The following EZH2 variants were observed in gnomAD, a reference collection of about 807,000 sequenced individuals.
The protein encoded by EZH2 is enhancer of zeste 2 polycomb repressive complex 2 subunit.
In EZH2, 18 loss-of-function variants were observed where a neutral mutation model predicts 98.4. That is an observed-to-expected ratio of 0.18 (90% CI 0.13 to 0.27). The LOEUF is 0.27. EZH2 is among the 10% of genes least tolerant of loss of function. The probability of loss-of-function intolerance (pLI) is 1.00; values close to 1 mark genes in which losing one functional copy is unlikely to be tolerated. For missense variants in EZH2, 470 were observed against 935.1 expected, an observed-to-expected ratio of 0.50 and a Z score of 6.49; for synonymous variants, 338 against 312.3, an observed-to-expected ratio of 1.08 and a Z score of -0.87.
intron 1 of EZH2, among the ~76,000 whole-genome samples, chr7:148,853,851 C>T (rs540336287): frequency 6.6e-5 from 10 of 152,262 alleles, no homozygotes; most frequent in African/African-American, 2.2e-4. Context: ...GGAAGATGGG[C>T]TCTCATAGCC....
chr7:148,846,949 G>A (rs576052685), intron 2 of EZH2, among the ~76,000 whole-genome samples: 38 of 151,204 alleles, frequency 2.5e-4, no homozygotes, highest in African/African-American at 8.0e-4. Context: ...TTTATATTTA[G>A]GGAGGCATTT....
Position 148,846,601 on chromosome 7 carries a change from TAA to T in EZH2, c.118-5_118-4del, listed in dbSNP as rs3214332. ...TGACGATTGGAACTAAACATACTCT[TAA>T]AAAAAAAAATGAAGGAGAGGAAAGG... On this transcript the variant is annotated splice_region_variant and splice_polypyrimidine_tract_variant and intron_variant, in intron 2 of 19. Transcript: ENST00000320356. 1.2e-3 allele frequency: 1,737 copies of T among 1,444,184 alleles called. No individual in the cohort carries two copies. Among genetic ancestry groups the T allele is most frequent in the Admixed American group, 2.7e-3 (140 of 52,696 alleles). 89.5% of individuals were successfully genotyped at this position (1,444,184 alleles called of 1,614,324 possible). A position where few individuals can be genotyped will look rare whatever the true frequency, so the allele number is the denominator to read the frequency against.
chr7:148,874,050 G>T (rs868783640), intron 1 of EZH2, among the ~76,000 whole-genome samples: 5 of 152,126 alleles, frequency 3.3e-5, no homozygotes, highest in African/African-American at 1.2e-4. Context: ...CTGTAGACTA[G>T]TAAGAAAATC....
At chr7:148,839,484 G>GA (rs1811856413) in intron 3 of EZH2, among the ~76,000 whole-genome samples, 1 of 141,058 alleles carries the variant, frequency 7.1e-6, no homozygotes, top group Admixed American at 7.0e-5. Flanking sequence ...AAAATTAAAA[G>GA]AAAAAACTGT....
chr7:148,872,907 G>T (rs1004343425), intron 1 of EZH2, among the ~76,000 whole-genome samples: 4 of 151,948 alleles, frequency 2.6e-5, no homozygotes, highest in African/African-American at 9.7e-5. Flanking sequence ...TATAAATGCA[G>T]CTGAGGGATA....
chr7:148,823,123 T>C (rs961975615), intron 8 of EZH2, among the ~76,000 whole-genome samples: 2 of 152,226 alleles, frequency 1.3e-5, no homozygotes, highest in Admixed American at 6.5e-5. Context: ...TTTTCACTTA[T>C]AAAATCAATT....
intron 2 of EZH2, among the ~76,000 whole-genome samples, chr7:148,846,840 G>C (rs73745402): frequency 5.0e-3 from 15 of 2,996 alleles, no homozygotes; most frequent in African/African-American, 0.021. Flanking sequence ...TTTGTTGACT[G>C]TGTGTGTGTG....
At chr7:148,834,626 T>C (rs1810395903) in intron 3 of EZH2, among the ~76,000 whole-genome samples, 2 of 152,110 alleles carry the variant, frequency 1.3e-5, no homozygotes, top group Admixed American at 6.5e-5. Context: ...GATTCATCTA[T>C]TAATTTGCTT....
intron 16 of EZH2, 104 bp downstream of exon 16, chr7:148,811,521 T>C (rs1563194625): frequency 5.6e-6 from 5 of 892,226 alleles, no homozygotes; most frequent in East Asian, 5.3e-5. Context: ...TTTATGGCAA[T>C]TCATTTCCAA....
intron 15 of EZH2, among the ~76,000 whole-genome samples, chr7:148,813,052 T>TACACAC (rs142835355): frequency 2.9e-4 from 38 of 132,182 alleles, no homozygotes; most frequent in East Asian, 9.2e-4. Context: ...ACACCCCACA[T>TACACAC]ACACACACAC....
intron 15 of EZH2, chr7:148,811,938 C>G (rs1803202739): frequency 4.0e-6 from 2 of 496,100 alleles, no homozygotes; most frequent in Admixed American, 3.3e-5. Flanking sequence ...GAATCTCTGT[C>G]TTACAGAAAA....
At chr7:148,849,794 C>T (rs545306309) in intron 1 of EZH2, among the ~76,000 whole-genome samples, 1 of 152,164 alleles carries the variant, frequency 6.6e-6, no homozygotes, top group Non-Finnish European at 1.5e-5. Flanking sequence ...TCAACTAATT[C>T]TATGCAAATT....
At chr7:148,845,848 C>A (rs552831127) in intron 3 of EZH2, among the ~76,000 whole-genome samples, 1 of 152,282 alleles carries the variant, frequency 6.6e-6, no homozygotes, top group South Asian at 2.1e-4. Context: ...GCTATTTAGA[C>A]TTTTGCCATT....
At chr7:148,853,625 C>A (rs1816268433) in intron 1 of EZH2, among the ~76,000 whole-genome samples, 1 of 152,184 alleles carries the variant, frequency 6.6e-6, no homozygotes, top group African/African-American at 2.4e-5. Flanking sequence ...GCTTTAAAAC[C>A]ATCTCTAGAT....
intron 7 of EZH2, among the ~76,000 whole-genome samples, 159 bp downstream of exon 7, chr7:148,827,005 G>C (rs1010033180): frequency 1.3e-5 from 2 of 152,156 alleles, no homozygotes; most frequent in Non-Finnish European, 2.9e-5. Flanking sequence ...ATTTTGTAAT[G>C]CAGAGTACCA....
intron 1 of EZH2, among the ~76,000 whole-genome samples, chr7:148,855,320 A>G (rs1041639809): frequency 1.3e-5 from 2 of 152,256 alleles, no homozygotes; most frequent in African/African-American, 4.8e-5. Flanking sequence ...AACTAAACTA[A>G]TAAGAGAAGA....
chr7:148,846,481 C>T lies in EZH2; in HGVS notation c.235G>A (p.Gly79Arg), dbSNP rs1388815758. Residue 79 changes from glycine to arginine, a missense_variant, in exon 3 of 20, where the codon GGG becomes AGG. This residue lies in a region of EZH2 where 79 missense variants were observed against 122.1 expected (regional missense o/e 0.65). Transcript: ENST00000320356. ...HILTSVSSLR[G>R]TRECSVTSDL... ...TTATGTTAACCAACCTCCCTAGTCC[C>T]GCGCAATGAGCTCACAGAAGTCAGG... is the stretch of plus-strand genomic sequence containing the variant. 5.6e-6 allele frequency: 9 copies of T among 1,613,392 alleles called. No individual in the cohort carries two copies. Among genetic ancestry groups the T allele is most frequent in the Admixed American group, 1.7e-5 (1 of 59,932 alleles).
intron 3 of EZH2, among the ~76,000 whole-genome samples, chr7:148,838,063 C>CTTTTTT (rs35838307): frequency 3.0e-5 from 3 of 100,524 alleles, no homozygotes; most frequent in Non-Finnish European, 5.6e-5. Flanking sequence ...GTTTAGACTC[C>CTTTTTT]TTTTTTTTTT....
chr7:148,815,059 T>C lies in EZH2; in HGVS notation c.1547-20A>G, dbSNP rs763486199. The C allele has an allele frequency of 5.6e-6, 9 of 1,610,432 alleles. No individual in the cohort carries two copies. In the Admixed American group the frequency reaches 1.5e-4, roughly 27 times the overall value. On this transcript the variant is annotated intron_variant, in intron 13 of 19. Coordinates refer to ENST00000320356, the MANE Select transcript of EZH2 (RefSeq NM_004456.5). ...AGCCGTCTGAGTAAAGATAACATCATGCAGGCCAATGAATCCAGGGAGATG... is the reference window on the plus strand; with the variant it reads ...AGCCGTCTGAGTAAAGATAACATCACGCAGGCCAATGAATCCAGGGAGATG...
Sources: gnomAD v4.1 joint callset for allele counts (sites outside exome capture counted in the v4.1 genomes callset) on GRCh38, gnomAD v4.1.1 for gene constraint, gnomAD v4.1.1 regional missense constraint, MANE v1.5 for transcripts, NCBI Gene and HGNC (gene_info 2026-07-23, HGNC 2026-07-21) for gene names.